Variants in ALK observed in about 807,000 individuals in gnomAD.
ALK encodes the protein ALK tyrosine kinase receptor.
A neutral mutation model predicts 163.1 loss-of-function variants in ALK; 74 were observed. That is an observed-to-expected ratio of 0.45 (90% CI 0.38 to 0.55). The LOEUF (loss-of-function observed/expected upper bound fraction) is 0.55, where lower values mean the gene tolerates loss of function less well. Ranked by LOEUF, ALK falls within the 20% of genes least tolerant of loss-of-function variation. ALK has a pLI of 0.00. For missense variants in ALK, 2,063 were observed against 2,105.3 expected, an observed-to-expected ratio of 0.98 and a Z score of 0.39; for synonymous variants, 960 against 843.2, an observed-to-expected ratio of 1.14 and a Z score of -2.40.
chr2:29,384,251 A>C (rs1668976858), intron 4 of ALK, among the ~76,000 whole-genome samples: 2 of 152,234 alleles, frequency 1.3e-5, no homozygotes, highest in Non-Finnish European at 2.9e-5. Context: ...ACTCTATTCA[A>C]AATTATCTCT....
intron 15 of ALK, among the ~76,000 whole-genome samples, chr2:29,229,729 G>A (rs1001515405): frequency 2.0e-5 from 3 of 152,182 alleles, no homozygotes; most frequent in Admixed American, 1.3e-4. Flanking sequence ...AAACTGCCAG[G>A]GGTGGGGAGC....
chr2:29,234,705 A>G (rs1664322410), intron 13 of ALK, among the ~76,000 whole-genome samples: 3 of 151,548 alleles, frequency 2.0e-5, no homozygotes, highest in Non-Finnish European at 4.4e-5. Context: ...TACAAGTACT[A>G]CCCTCAGGCA....
At chr2:29,595,529 G>C (rs1558401109) in intron 3 of ALK, among the ~76,000 whole-genome samples, 1 of 151,912 alleles carries the variant, frequency 6.6e-6, no homozygotes, top group Non-Finnish European at 1.5e-5. Flanking sequence ...ACCGTGTTAG[G>C]CAGGATGGTC....
intron 3 of ALK, among the ~76,000 whole-genome samples, chr2:29,655,859 A>T (rs4560069): frequency 0.17 from 25,631 of 152,184 alleles, 5,277 homozygotes; most frequent in African/African-American, 0.49. Flanking sequence ...ATATCAAGTG[A>T]CTTCATACTT....
intron 5 of ALK, among the ~76,000 whole-genome samples, chr2:29,337,940 A>C (rs904278519): frequency 1.2e-4 from 19 of 152,222 alleles, no homozygotes; most frequent in Admixed American, 1.2e-3. Flanking sequence ...CATAGCTTGC[A>C]GTTTTCTATA....
chr2:29,387,660 C>T (rs1002720854), intron 4 of ALK, among the ~76,000 whole-genome samples: 5 of 152,142 alleles, frequency 3.3e-5, no homozygotes, highest in African/African-American at 1.2e-4. Flanking sequence ...TAGCTGATTG[C>T]AGGAGTCCTA....
intron 1 of ALK, among the ~76,000 whole-genome samples, chr2:29,879,846 A>G (rs938149954): frequency 1.3e-5 from 2 of 152,224 alleles, no homozygotes; most frequent in African/African-American, 4.8e-5. Flanking sequence ...TGTAAATCTG[A>G]TAACTAACAA....
At chr2:29,606,537 G>C (rs1422775153) in intron 3 of ALK, among the ~76,000 whole-genome samples, 1 of 152,206 alleles carries the variant, frequency 6.6e-6, no homozygotes, top group African/African-American at 2.4e-5. Context: ...CATCCCTGTG[G>C]ACAGACCTGG....
chr2:29,667,951 C>T (rs150997906), intron 3 of ALK, among the ~76,000 whole-genome samples: 1 of 152,142 alleles, frequency 6.6e-6, no homozygotes, highest in African/African-American at 2.4e-5. Flanking sequence ...TTTGTTGTTG[C>T]TTCAATCTCA....
At chr2:29,368,218 G>A (rs1668552707) in intron 5 of ALK, among the ~76,000 whole-genome samples, 1 of 152,144 alleles carries the variant, frequency 6.6e-6, no homozygotes. Context: ...CAGAACACTG[G>A]GCTGCTCCTC....
chr2:29,813,033 A>G (rs1256595710), intron 1 of ALK, among the ~76,000 whole-genome samples: 4 of 152,208 alleles, frequency 2.6e-5, no homozygotes, highest in African/African-American at 9.7e-5. Context: ...GGTATGACAG[A>G]TTGTGAAGCA....
At chr2:29,651,919 A>C (rs1452616332) in intron 3 of ALK, among the ~76,000 whole-genome samples, 2 of 152,190 alleles carry the variant, frequency 1.3e-5, no homozygotes, top group Non-Finnish European at 2.9e-5. Flanking sequence ...AGAAGTGTGC[A>C]TGTATGCAAG....
At chr2:29,309,616 G>A (rs1666641151) in intron 8 of ALK, among the ~76,000 whole-genome samples, 1 of 151,258 alleles carries the variant, frequency 6.6e-6, no homozygotes, top group African/African-American at 2.4e-5. Flanking sequence ...AGGTGCTGGG[G>A]TAAGAATGAC....
At chr2:29,593,250 G>C (rs1675113178) in intron 3 of ALK, among the ~76,000 whole-genome samples, 1 of 152,188 alleles carries the variant, frequency 6.6e-6, no homozygotes, top group African/African-American at 2.4e-5. Flanking sequence ...CAAAGGATAA[G>C]GATGTCAGGA....
intron 1 of ALK, among the ~76,000 whole-genome samples, chr2:29,905,933 G>C (rs1453167601): frequency 6.6e-6 from 1 of 152,114 alleles, no homozygotes; most frequent in Admixed American, 6.5e-5. Context: ...GCATGGCCTT[G>C]GATACATTTG....
intron 1 of ALK, among the ~76,000 whole-genome samples, chr2:29,767,680 A>G (rs906488032): frequency 3.9e-5 from 6 of 152,114 alleles, no homozygotes; most frequent in Non-Finnish European, 8.8e-5. Context: ...TCAGGCTCTC[A>G]AGAAGAGACA....
In ALK at chr2:29,193,539, G is replaced by A. The variant is rs2148137958; in HGVS notation, c.4548C>T (p.Thr1516=). ...TYGSWFTEKP[T]KKNNPIAKKE... ...TCTTTGCTATAGGATTATTCTTTTT[G>A]GTGGGTTTCTCTGTAAACCAGGAGC... The change falls in exon 29 of 29, where the codon ACC becomes ACT. Residue 1516 remains threonine, a synonymous_variant. Coordinates refer to ENST00000389048, the MANE Select transcript of ALK (RefSeq NM_004304.5). The A allele has an allele frequency of 6.2e-7, 1 of 1,614,200 alleles. No homozygotes were observed. The highest frequency in any genetic ancestry group is 8.5e-7 in the Non-Finnish European group (1 of 1,180,024).
chr2:29,248,451 C>T (rs748523221), intron 12 of ALK, among the ~76,000 whole-genome samples: 4 of 152,154 alleles, frequency 2.6e-5, no homozygotes, highest in African/African-American at 7.2e-5. Context: ...CAACAGAGCG[C>T]GACTCTGTCT....
chr2:29,474,902 C>T (rs1364536888), intron 4 of ALK, among the ~76,000 whole-genome samples: 3 of 152,136 alleles, frequency 2.0e-5, no homozygotes, highest in South Asian at 2.1e-4. Flanking sequence ...TACTGCGAGG[C>T]CTTTGCTGGA....
Sources: gnomAD v4.1 joint callset for allele counts (sites outside exome capture counted in the v4.1 genomes callset) on GRCh38, gnomAD v4.1.1 for gene constraint, MANE v1.5 for transcripts, NCBI Gene and HGNC (gene_info 2026-07-23, HGNC 2026-07-21) for gene names.